The following SLC25A36 variants were observed in gnomAD, a reference collection of about 807,000 sequenced individuals.
SLC25A36 encodes the protein epididymis secretory sperm binding protein.
In SLC25A36, 24 loss-of-function variants were observed where a neutral mutation model predicts 35.3. That is an observed-to-expected ratio of 0.68 (90% confidence interval 0.49 to 0.96). SLC25A36 has a LOEUF of 0.96. Ranked by LOEUF, SLC25A36 falls within the 40% of genes least tolerant of loss-of-function variation. SLC25A36 has a pLI of 0.00. For missense variants in SLC25A36, 294 were observed against 381.1 expected (o/e 0.77, Z 1.90); for synonymous variants, 141 against 132.2 (o/e 1.07, Z -0.46).
At chr3:140,968,600 C>T (rs1246507627) in intron 4 of SLC25A36, 1 of 934,850 alleles carries the variant, frequency 1.1e-6, no homozygotes, top group East Asian at 1.2e-4. Flanking sequence ...ATTTATGGGT[C>T]TTTAAAAGGT....
intron 4 of SLC25A36, chr3:140,963,919 G>C (rs1252629006): frequency 6.6e-6 from 1 of 151,924 alleles, no homozygotes; most frequent in African/African-American, 2.4e-5. Context: ...TAAACAGTTG[G>C]TTTGACCAAT....
chr3:140,968,263 T>TA (rs1559816030), intron 4 of SLC25A36: 1 of 916,528 alleles, frequency 1.1e-6, no homozygotes, highest in African/African-American at 1.8e-5. Context: ...CCTGAGTTTT[T>TA]AGCGGTAAAG....
chr3:140,971,712 A>G (rs994976125), intron 5 of SLC25A36, among the ~76,000 whole-genome samples: 1 of 151,988 alleles, frequency 6.6e-6, no homozygotes, highest in Non-Finnish European at 1.5e-5. Context: ...TGCCATCTCA[A>G]CTCTCCTACT....
At chr3:140,971,124 C>A in intron 5 of SLC25A36, 131 bp downstream of exon 5, 1 of 538,132 alleles carries the variant, frequency 1.9e-6, no homozygotes, top group Non-Finnish European at 3.4e-6. Flanking sequence ...GGTCTGCCAT[C>A]AGAAAAAAGA....
rs1180640044 is a variant in SLC25A36 at position 140,978,762 on chromosome 3, A to AT, written c.*2314dup. ...GAGCAATGAAGTTTATTTCAGTTGT[A>AT]TTTTTCCCTAAGCACAATCTGCAAT... On this transcript the variant is annotated 3_prime_UTR_variant, in exon 7 of 7. Coordinates refer to ENST00000324194, the MANE Select transcript of SLC25A36 (RefSeq NM_001104647.3). 3 of 152,126 alleles carry AT rather than the reference A, an allele frequency of 2.0e-5. No homozygotes were observed. Among genetic ancestry groups the AT allele is most frequent in the Non-Finnish European group, 4.4e-5 (3 of 68,012 alleles). The allele number at this position is 152,126 out of a possible 1,614,324, so 9.4% of individuals were successfully genotyped here. A position where few individuals can be genotyped will look rare whatever the true frequency, so the allele number is the denominator to read the frequency against.
intron 2 of SLC25A36, 77 bp from the exon 3 acceptor site, chr3:140,959,386 C>CTA (rs1645070040): frequency 6.1e-6 from 5 of 816,184 alleles, no homozygotes; most frequent in Non-Finnish European, 9.4e-6. Flanking sequence ...GATTTAGACT[C>CTA]TAACTTTATA....
chr3:140,952,098 C>T (rs1934344135), intron 1 of SLC25A36, among the ~76,000 whole-genome samples: 2 of 151,470 alleles, frequency 1.3e-5, no homozygotes, highest in African/African-American at 2.4e-5. Flanking sequence ...CTCACTGCAA[C>T]CTCTGCCTCC....
At chr3:140,952,184 T>A (rs772165080) in intron 1 of SLC25A36, among the ~76,000 whole-genome samples, 3 of 152,076 alleles carry the variant, frequency 2.0e-5, no homozygotes, top group Non-Finnish European at 4.4e-5. Context: ...GCCCAGCTAA[T>A]TTTTTGTATT....
In SLC25A36 at chr3:140,963,169, G is replaced by T; in HGVS notation, c.327G>T (p.Leu109Phe). 6.3e-7 allele frequency: 1 copy of T among 1,595,722 alleles called. No individual in the cohort carries two copies. The highest frequency in any genetic ancestry group is 1.1e-5 in the South Asian group (1 of 87,062). Residue 109 changes from leucine (L) to phenylalanine (F), a missense_variant, in exon 4 of 7, where the codon TTG (leucine) becomes TTT (phenylalanine). This residue lies in a region of SLC25A36 where 185 missense variants were observed against 201.5 expected (regional missense o/e 0.92). Coordinates refer to ENST00000324194, the MANE Select transcript of SLC25A36 (RefSeq NM_001104647.3). ...CTTATTCAAACTGCAAGGAAAAGTT[G>T]AATGATGTATTTGATCCTGATTCTA... is the stretch of plus-strand genomic sequence containing the variant. ...FAAYSNCKEK[L>F]NDVFDPDSTQ... is the part of the protein sequence containing the mutation.
rs1197498110 is a variant in SLC25A36 at position 140,963,110 on chromosome 3, C to G, written c.285-17C>G. 3.4e-6 allele frequency: 5 copies of G among 1,472,892 alleles called. No individual in the cohort carries two copies. The South Asian group carries it at 6.4e-5, about 19-fold the overall frequency. 91.2% of individuals were successfully genotyped at this position (1,472,892 alleles called of 1,614,324 possible). On this transcript the variant is annotated splice_polypyrimidine_tract_variant and intron_variant, in intron 3 of 6. Transcript: ENST00000324194. ...ATTAAGAACATGCTTATTGATAAAT[C>G]TAAATCTCTATTTTAGAGCAATATA...
chr3:140,956,558 T>C lies in SLC25A36; in HGVS notation c.73T>C (p.Cys25Arg). The C allele has an allele frequency of 6.2e-7, 1 of 1,611,730 alleles. No homozygotes were observed. The highest frequency in any genetic ancestry group is 1.7e-4 in the Middle Eastern group (1 of 6,054). ...TGGTACAGTGGGAGCTATTCTGACA[T>C]GTCCACTGGAAGTTGTAAAAACACG... Reference protein sequence around the residue: ...CGGTVGAILTCPLEVVKTRLQ... With the variant: ...CGGTVGAILTRPLEVVKTRLQ... Residue 25 changes from cysteine to arginine, a missense_variant, in exon 2 of 7, where the codon TGT (cysteine) becomes CGT (arginine). Cys to Arg is a radical substitution (Grantham distance 180). Around this residue, in one of 2 missense-constraint regions of SLC25A36, gnomAD observed 185 missense variants for 201.5 expected, o/e 0.92. Coordinates refer to ENST00000324194, the MANE Select transcript of SLC25A36 (RefSeq NM_001104647.3).
chr3:140,973,520 C>CT, intron 5 of SLC25A36, 196 bp from the exon 6 acceptor site: 4 of 404,668 alleles, frequency 9.9e-6, no homozygotes, highest in Non-Finnish European at 1.7e-5. Flanking sequence ...GTAAAATAAA[C>CT]TATTTACATA....
rs1934086272 is a variant in SLC25A36, at chr3:140,943,741, CTAT to C, written c.41+1651_41+1653del. 2.6e-5 allele frequency among the ~76,000 whole-genome samples: 4 copies of C among 152,254 alleles called. No homozygotes were observed. The South Asian group carries it at 8.3e-4, about 32-fold the overall frequency. ...AGCCCTTCTCTAGCTCCTAACATTT[CTAT>C]TATTCTGCGTTCAGGATTCATGTAT... On this transcript the variant is annotated intron_variant, in intron 1 of 6. Coordinates refer to ENST00000324194, the MANE Select transcript of SLC25A36 (RefSeq NM_001104647.3).
Position 140,963,239 on chromosome 3 carries a change from T to C in SLC25A36, c.385+12T>C. The C allele has an allele frequency of 6.8e-7, 1 of 1,477,958 alleles. No individual in the cohort carries two copies. Among genetic ancestry groups the C allele is most frequent in the Non-Finnish European group, 9.1e-7 (1 of 1,096,366 alleles). The allele number at this position is 1,477,958 out of a possible 1,614,324, so 91.6% of individuals were successfully genotyped here. ...AGCTGCAATGGCAGGTATGAATGTA[T>C]AATATTAAAAAAAAAAAAAACTTTC... On this transcript the variant is annotated intron_variant, in intron 4 of 6. Coordinates refer to ENST00000324194, the MANE Select transcript of SLC25A36 (RefSeq NM_001104647.3).
chr3:140,976,024 T>C lies in SLC25A36; in HGVS notation c.743-236T>C, dbSNP rs149585091. Among the ~76,000 whole-genome samples, 55 of 152,322 alleles carry C rather than the reference T, an allele frequency of 3.6e-4. 1 individual carries two copies. In the East Asian group the frequency reaches 0.01, roughly 28 times the overall value. ...TACAACTGATACTTCTCTCTTGTTA[T>C]ATTGTGTCTTTTTACATTCAAAGAC... On this transcript the variant is annotated intron_variant, in intron 6 of 6. Coordinates refer to ENST00000324194, the MANE Select transcript of SLC25A36 (RefSeq NM_001104647.3).
At chr3:140,970,146 T>C (rs555877590) in intron 4 of SLC25A36, among the ~76,000 whole-genome samples, 1 of 152,064 alleles carries the variant, frequency 6.6e-6, no homozygotes, top group East Asian at 1.9e-4. Context: ...CTACCTGGAA[T>C]GAGCCATCTT....
intron 1 of SLC25A36, among the ~76,000 whole-genome samples, chr3:140,943,150 TAAAG>T (rs1015840761): frequency 3.0e-4 from 45 of 152,344 alleles, no homozygotes; most frequent in African/African-American, 1.0e-3. Context: ...TGGAGGATTA[TAAAG>T]AGTTTTCTTA....
At chr3:140,966,869 T>C (rs1237463379) in intron 4 of SLC25A36, 4 of 454,424 alleles carry the variant, frequency 8.8e-6, no homozygotes, top group Non-Finnish European at 1.8e-5. Flanking sequence ...ATTCAATTTG[T>C]ACACATGTTT....
chr3:140,968,766 TTTTA>T (rs1303411638), intron 4 of SLC25A36: 2 of 923,458 alleles, frequency 2.2e-6, no homozygotes, highest in African/African-American at 3.6e-5. Flanking sequence ...GAAGTAGAAC[TTTTA>T]TTTAAAAAAA....
Sources: allele counts gnomAD v4.1 joint callset (sites outside exome capture counted in the v4.1 genomes callset), GRCh38; gene constraint gnomAD v4.1.1; regional missense constraint gnomAD v4.1.1; transcripts MANE v1.5; gene names NCBI Gene and HGNC (gene_info 2026-07-23, HGNC 2026-07-21).